The following GREB1L variants were observed in gnomAD, a reference collection of about 807,000 sequenced individuals.
The protein encoded by GREB1L is GREB1 like retinoic acid receptor coactivator.
A neutral mutation model predicts 200.8 loss-of-function variants in GREB1L; 17 were observed. The observed-to-expected ratio is 0.08, with a 90% CI of 0.06 to 0.13. The LOEUF (loss-of-function observed/expected upper bound fraction) is 0.13. Among genes scored for constraint, GREB1L ranks in the 10% least tolerant of loss-of-function variants. The pLI, the probability that GREB1L is intolerant of heterozygous loss-of-function variation, is 1.00. For missense variants in GREB1L, 1,657 were observed against 2,367.7 expected, an observed-to-expected ratio of 0.70 and a Z score of 6.23; for synonymous variants, 789 against 893.0, an observed-to-expected ratio of 0.88 and a Z score of 2.08.
chr18:21,430,018 G>A (rs892385440), intron 7 of GREB1L, among the ~76,000 whole-genome samples: 1 of 152,086 alleles, frequency 6.6e-6, no homozygotes, highest in African/African-American at 2.4e-5. Flanking sequence ...GTGTCCTCAC[G>A]TGGCCTTTCC....
chr18:21,390,051 T>A (rs569359557), intron 4 of GREB1L, among the ~76,000 whole-genome samples: 1 of 152,280 alleles, frequency 6.6e-6, no homozygotes, highest in Non-Finnish European at 1.5e-5. Flanking sequence ...ATTGGTCCTG[T>A]AGGTTCCAAA....
chr18:21,519,986 T>C (rs527376655), intron 31 of GREB1L, among the ~76,000 whole-genome samples: 1 of 151,482 alleles, frequency 6.6e-6, no homozygotes, highest in Admixed American at 6.6e-5. Flanking sequence ...AATGGTGCAA[T>C]CTCGGCTCAG....
Position 21,350,915 on chromosome 18 carries a change from A to G in GREB1L, c.-119-15112A>G, listed in dbSNP as rs549292987. Among the ~76,000 whole-genome samples, 232 of 152,262 alleles carry G rather than the reference A, an allele frequency of 1.5e-3. 1 individual carries two copies. Among genetic ancestry groups the G allele is most frequent in the African/African-American group, 5.4e-3 (223 of 41,552 alleles). On this transcript the variant is annotated intron_variant, in intron 1 of 32. Coordinates refer to ENST00000424526, the MANE Select transcript of GREB1L (RefSeq NM_001142966.3). ...TCTCCCTTCATACCCCATACCCCAT[A>G]TTCCTGGCTGGCTACTTCAACCTCA...
chr18:21,459,279 C>CTTTTTTTTTTTTTTTT (rs746568414), intron 15 of GREB1L, among the ~76,000 whole-genome samples: 6 of 85,918 alleles, frequency 7.0e-5, no homozygotes, highest in East Asian at 3.8e-4. Flanking sequence ...TTTTTCTTTA[C>CTTTTTTTTTTTTTTTT]TTTTTTTTTT....
intron 1 of GREB1L, among the ~76,000 whole-genome samples, chr18:21,304,737 T>C (rs2038673089): frequency 6.6e-6 from 1 of 152,062 alleles, no homozygotes; most frequent in African/African-American, 2.4e-5. Flanking sequence ...ACCCCTAGGT[T>C]TTTATAGCCT....
In GREB1L at chr18:21,439,546, T is replaced by C. The variant is rs2033774375; in HGVS notation, c.858T>C (p.His286=). The C allele has an allele frequency of 6.5e-7, 1 of 1,550,282 alleles. No individual in the cohort carries two copies. The highest frequency in any genetic ancestry group is 1.4e-5 in the African/African-American group (1 of 72,996). The change falls in exon 8 of 33, where the codon CAT becomes CAC. Residue 286 remains histidine, a synonymous_variant. Coordinates refer to ENST00000424526, the MANE Select transcript of GREB1L (RefSeq NM_001142966.3). Reference sequence around the variant, plus strand: ...ATGCTGCTAATGGAAACAGTAGCCATGGAGGGAAGGGCAGTGCATCCAGCT... The same window carrying C: ...ATGCTGCTAATGGAAACAGTAGCCACGGAGGGAAGGGCAGTGCATCCAGCT... ...QTDAANGNSS[H]GGKGSASSST...
rs747851740 is a variant in GREB1L at position 21,401,167 on chromosome 18, A to G, written c.550A>G (p.Ile184Val). The change falls in exon 6 of 33, where the codon ATC becomes GTC. Residue 184 changes from isoleucine (I) to valine (V), a missense_variant. Ile to Val is a conservative substitution (Grantham distance 29, BLOSUM62 3). Transcript: ENST00000424526. ...GACTTCAGGGTTTTCTGGAAATTGT[A>G]TCGGCTGTGGAGAAAGAGGATTTCG... ...NALLGFSGNC[I>V]GCGERGFRYF... 5.2e-6 allele frequency: 8 copies of G among 1,551,504 alleles called. No homozygotes were observed. The highest frequency in any genetic ancestry group is 6.1e-6 in the Non-Finnish European group (7 of 1,146,954).
intron 21 of GREB1L, among the ~76,000 whole-genome samples, chr18:21,497,636 C>T (rs573558475): frequency 1.1e-4 from 17 of 149,146 alleles, no homozygotes; most frequent in Non-Finnish European, 2.2e-4. Context: ...AAGAGGAAAA[C>T]TCTGTCTCAA....
intron 1 of GREB1L, among the ~76,000 whole-genome samples, chr18:21,280,391 CTT>C (rs763825839): frequency 3.7e-4 from 51 of 138,986 alleles, no homozygotes; most frequent in Admixed American, 2.9e-4. Context: ...TCCTTTCTTT[CTT>C]TTTTTTTTTT....
chr18:21,333,449 C>T (rs561365688), intron 1 of GREB1L, among the ~76,000 whole-genome samples: 42 of 151,776 alleles, frequency 2.8e-4, no homozygotes, highest in African/African-American at 8.9e-4. Flanking sequence ...CCAAGGCAGA[C>T]GGATCACCTG....
rs2034666061 is a variant in GREB1L at position 21,454,517 on chromosome 18, A to T, written c.2136A>T (p.Arg712Ser). Residue 712 changes from arginine to serine, a missense_variant, in exon 15 of 33, where the codon AGA (arginine) becomes AGT (serine). By Grantham distance (110) the Arg-to-Ser change is moderately radical. This residue lies in a region of GREB1L where 239 missense variants were observed against 421.8 expected (regional missense o/e 0.57). Coordinates refer to ENST00000424526, the MANE Select transcript of GREB1L (RefSeq NM_001142966.3). Reference sequence around the variant, plus strand: ...TAGACTTCATCATCATTGTTCCCAGATCGGAGGTGTTGGTTCAGCAAACTC... The same window carrying T: ...TAGACTTCATCATCATTGTTCCCAGTTCGGAGGTGTTGGTTCAGCAAACTC... ...SKVDFIIIVP[R>S]SEVLVQQTLQ... is the part of the protein sequence containing the mutation. The T allele has an allele frequency of 6.4e-7, 1 of 1,551,518 alleles. No individual in the cohort carries two copies. Among genetic ancestry groups the T allele is most frequent in the African/African-American group, 1.4e-5 (1 of 73,014 alleles).
At chr18:21,478,672 A>G (rs2035803319) in intron 17 of GREB1L, among the ~76,000 whole-genome samples, 1 of 152,066 alleles carries the variant, frequency 6.6e-6, no homozygotes, top group Non-Finnish European at 1.5e-5. Flanking sequence ...ATCACTAGAG[A>G]TTACTTTGAG....
chr18:21,408,380 C>T (rs2030535744), intron 7 of GREB1L, among the ~76,000 whole-genome samples: 1 of 152,146 alleles, frequency 6.6e-6, no homozygotes, highest in Non-Finnish European at 1.5e-5. Context: ...AATAAGATGA[C>T]AGTCCAACTG....
intron 1 of GREB1L, among the ~76,000 whole-genome samples, chr18:21,331,424 G>A (rs866007189): frequency 1.3e-5 from 2 of 152,182 alleles, no homozygotes; most frequent in Admixed American, 6.5e-5. Flanking sequence ...AATTATGCTC[G>A]TGTGAGAACA....
At chr18:21,259,739 C>T (rs1339307464) in intron 1 of GREB1L, among the ~76,000 whole-genome samples, 1 of 151,892 alleles carries the variant, frequency 6.6e-6, no homozygotes, top group Non-Finnish European at 1.5e-5. Context: ...CATGAGGCAT[C>T]GAACGTATTA....
chr18:21,388,591 G>T (rs1306347910), intron 4 of GREB1L, among the ~76,000 whole-genome samples: 2 of 140,206 alleles, frequency 1.4e-5, no homozygotes, highest in African/African-American at 2.8e-5. Context: ...GCCCAGGCTG[G>T]AGTGCAGTGG....
rs565476060 is a variant in GREB1L at position 21,328,186 on chromosome 18, C to T, written c.-119-37841C>T. On this transcript the variant is annotated intron_variant, in intron 1 of 32. Transcript: ENST00000424526. ...CTGATTCAGTGCCATTGCCCCCCCC[C>T]GTTCCCCAGGATGTTTAAGCACTGT... is the stretch of plus-strand genomic sequence containing the variant. Among the ~76,000 whole-genome samples, 26 of 152,078 alleles carry T rather than the reference C, an allele frequency of 1.7e-4. No individual in the cohort carries two copies. In the South Asian group the frequency reaches 2.3e-3, roughly 13 times the overall value.
Position 21,495,674 on chromosome 18 carries a change from G to T in GREB1L, c.3035G>T (p.Trp1012Leu). ...CATACGGGTCTCTTTCTGTAGAGTT[G>T]GAGAGGAAATGAACCAGAAGAGTGG... ...ATHFVARLKS[W>L]RGNEPEEWIP... Residue 1012 changes from tryptophan (W) to leucine (L), a missense_variant, in exon 20 of 33, where the codon TGG (tryptophan) becomes TTG (leucine). Physicochemically the swap from Trp to Leu is moderately conservative, Grantham distance 61 (BLOSUM62 -2). Coordinates refer to ENST00000424526, the MANE Select transcript of GREB1L (RefSeq NM_001142966.3). 6.8e-7 allele frequency: 1 copy of T among 1,478,884 alleles called. No individual in the cohort carries two copies. The highest frequency in any genetic ancestry group is 9.2e-7 in the Non-Finnish European group (1 of 1,083,906). 91.6% of individuals were successfully genotyped at this position (1,478,884 alleles called of 1,614,324 possible).
chr18:21,453,758 C>A (rs936557614), intron 14 of GREB1L, among the ~76,000 whole-genome samples: 1 of 152,152 alleles, frequency 6.6e-6, no homozygotes. Flanking sequence ...TAGGTCACAG[C>A]ACTGGCAAAG....
Sources: gnomAD v4.1 joint callset for allele counts (sites outside exome capture counted in the v4.1 genomes callset) on GRCh38, gnomAD v4.1.1 for gene constraint, gnomAD v4.1.1 regional missense constraint, MANE v1.5 for transcripts, NCBI Gene and HGNC (gene_info 2026-07-23, HGNC 2026-07-21) for gene names.